The following F13A1 variants were observed in gnomAD, a reference collection of about 807,000 sequenced individuals.
F13A1 encodes the protein coagulation factor XIII A chain.
In F13A1, 47 loss-of-function variants were observed where a neutral mutation model predicts 80.1. That is an observed-to-expected ratio of 0.59 (90% confidence interval 0.46 to 0.75). F13A1 has a LOEUF of 0.75. Among genes scored for constraint, F13A1 ranks in the 30% least tolerant of loss-of-function variants. The pLI is 0.00. For missense variants in F13A1, 817 were observed against 930.4 expected (o/e 0.88, Z 1.59); for synonymous variants, 349 against 344.9 (o/e 1.01, Z -0.13).
chr6:6,219,174 G>C (rs1021355256), intron 8 of F13A1, among the ~76,000 whole-genome samples: 5 of 152,136 alleles, frequency 3.3e-5, no homozygotes, highest in African/African-American at 1.2e-4. Flanking sequence ...GTGGAGGGAG[G>C]TAAGTATGAG....
chr6:6,242,728 T>G (rs1471712368), intron 6 of F13A1, among the ~76,000 whole-genome samples: 1 of 152,182 alleles, frequency 6.6e-6, no homozygotes, highest in East Asian at 1.9e-4. Context: ...TACATTTTTC[T>G]TCAGTGCTTT....
At chr6:6,320,455 G>C (rs888767089) in intron 1 of F13A1, 132 bp downstream of exon 1, 2 of 313,386 alleles carry the variant, frequency 6.4e-6, no homozygotes, top group African/African-American at 4.4e-5. Flanking sequence ...GCCAGGATTG[G>C]GCAAGTGGAG....
intron 2 of F13A1, among the ~76,000 whole-genome samples, chr6:6,307,134 T>A (rs1758523792): frequency 6.6e-6 from 1 of 152,184 alleles, no homozygotes; most frequent in South Asian, 2.1e-4. Context: ...AACGGTGCAG[T>A]GGGTCTGGCA....
intron 6 of F13A1, among the ~76,000 whole-genome samples, chr6:6,238,924 G>C (rs1013609958): frequency 6.6e-6 from 1 of 152,080 alleles, no homozygotes; most frequent in Non-Finnish European, 1.5e-5. Flanking sequence ...TAAAACAGTA[G>C]AGCTGCTTTG....
chr6:6,313,998 TGAAACGGAG>T (rs1758644525), intron 2 of F13A1, among the ~76,000 whole-genome samples: 1 of 150,692 alleles, frequency 6.6e-6, no homozygotes, highest in African/African-American at 2.4e-5. Flanking sequence ...TTTTTTTTTT[TGAAACGGAG>T]TCTTGGTCTT....
At chr6:6,160,360 T>C (rs1180880155) in intron 13 of F13A1, among the ~76,000 whole-genome samples, 1 of 151,900 alleles carries the variant, frequency 6.6e-6, no homozygotes, top group East Asian at 1.9e-4. Context: ...TTTTGTTTTT[T>C]GAGTCTTGCT....
At chr6:6,197,529 T>G (rs1761312859) in intron 8 of F13A1, among the ~76,000 whole-genome samples, 1 of 152,034 alleles carries the variant, frequency 6.6e-6, no homozygotes, top group African/African-American at 2.4e-5. Flanking sequence ...AATACAAAAA[T>G]TAGCTGGGTG....
chr6:6,299,466 C>T (rs1360131552), intron 3 of F13A1, among the ~76,000 whole-genome samples: 1 of 128,040 alleles, frequency 7.8e-6, no homozygotes, highest in Non-Finnish European at 1.5e-5. Flanking sequence ...TCTTTTTTCT[C>T]TAAACTTCCC....
At chr6:6,231,181 CAAG>C (rs1194250286) in intron 6 of F13A1, among the ~76,000 whole-genome samples, 1 of 151,922 alleles carries the variant, frequency 6.6e-6, no homozygotes, top group Non-Finnish European at 1.5e-5. Context: ...AAGAATAATA[CAAG>C]AAGTGAAGGG....
intron 8 of F13A1, among the ~76,000 whole-genome samples, chr6:6,216,739 C>A (rs1295183864): frequency 1.4e-5 from 2 of 141,444 alleles, no homozygotes; most frequent in African/African-American, 5.6e-5. Context: ...AGTGAACAGG[C>A]AACCTACAAA....
At chr6:6,223,034 C>T (rs1047054126) in intron 7 of F13A1, among the ~76,000 whole-genome samples, 10 of 152,198 alleles carry the variant, frequency 6.6e-5, no homozygotes, top group Non-Finnish European at 1.2e-4. Flanking sequence ...ATCAATAAAA[C>T]GATTGCCACT....
Position 6,181,970 on chromosome 6 carries a change from T to G in F13A1, c.1459+18A>C. On this transcript the variant is annotated intron_variant, in intron 11 of 14. Coordinates refer to ENST00000264870, the MANE Select transcript of F13A1 (RefSeq NM_000129.4). Reference sequence around the variant, plus strand: ...TGGACTTGGGCAAATAAATCTTCATTCAGTGGTAGTAAATTACCTTCTTGG... The same window carrying G: ...TGGACTTGGGCAAATAAATCTTCATGCAGTGGTAGTAAATTACCTTCTTGG... 1 of 1,613,898 alleles carries G rather than the reference T, an allele frequency of 6.2e-7. No homozygotes were observed. Among genetic ancestry groups the G allele is most frequent in the Non-Finnish European group, 8.5e-7 (1 of 1,179,796 alleles).
chr6:6,266,869 A>G lies in F13A1; in HGVS notation c.320-60T>C, dbSNP rs1013476945. 16 of 1,609,200 alleles carry G rather than the reference A, an allele frequency of 9.9e-6. No homozygotes were observed. The African/African-American group carries it at 2.1e-4, about 22-fold the overall frequency. The stretch of plus-strand genomic sequence containing the variant: ...GATTTCACAAGCCATTTTTGTTCTC[A>G]CTCTGTTATCTTATAGCTGAAGGGA... On this transcript the variant is annotated intron_variant, in intron 3 of 14. Transcript: ENST00000264870.
At chr6:6,303,789 T>C (rs1448796822) in intron 3 of F13A1, among the ~76,000 whole-genome samples, 1 of 152,192 alleles carries the variant, frequency 6.6e-6, no homozygotes, top group Admixed American at 6.5e-5. Flanking sequence ...TTTATATAGG[T>C]TGCGTGTTCA....
intron 8 of F13A1, among the ~76,000 whole-genome samples, chr6:6,216,831 G>GA (rs533155096): frequency 1.4e-5 from 2 of 142,858 alleles, no homozygotes; most frequent in East Asian, 2.0e-4. Context: ...AAATTTACAA[G>GA]AAAAAAACAA....
chr6:6,281,848 C>T (rs1330925604), intron 3 of F13A1, among the ~76,000 whole-genome samples: 1 of 151,952 alleles, frequency 6.6e-6, no homozygotes, highest in African/African-American at 2.4e-5. Context: ...AATAAATTAG[C>T]CAGGCCTGGT....
At chr6:6,159,122 C>T (rs111854487) in intron 13 of F13A1, among the ~76,000 whole-genome samples, 6,976 of 152,086 alleles carry the variant, frequency 0.046, 217 homozygotes, top group Non-Finnish European at 0.068. Context: ...AGGATGGTCT[C>T]GATCTCCTGA....
intron 8 of F13A1, among the ~76,000 whole-genome samples, chr6:6,200,453 G>C (rs1761372881): frequency 6.6e-6 from 1 of 151,636 alleles, no homozygotes; most frequent in Non-Finnish European, 1.5e-5. Context: ...TTGAGGGGCT[G>C]AGTGGGAGGA....
At chr6:6,213,328 C>T (rs1381372215) in intron 8 of F13A1, among the ~76,000 whole-genome samples, 2 of 152,238 alleles carry the variant, frequency 1.3e-5, no homozygotes, top group East Asian at 1.9e-4. Flanking sequence ...AACAGCGGAT[C>T]TCTCGGCAGA....
Sources: allele counts gnomAD v4.1 joint callset (sites outside exome capture counted in the v4.1 genomes callset), GRCh38; gene constraint gnomAD v4.1.1; transcripts MANE v1.5; gene names NCBI Gene and HGNC (gene_info 2026-07-23, HGNC 2026-07-21).